The following SYT14 variants were observed in gnomAD, a reference collection of about 807,000 sequenced individuals.
SYT14 encodes synaptotagmin 14.
A neutral mutation model predicts 74.2 loss-of-function variants in SYT14; 32 were observed. That is an observed-to-expected ratio of 0.43 (90% CI 0.33 to 0.58). SYT14 has a LOEUF of 0.58. SYT14 is among the 20% of genes least tolerant of loss of function. The pLI is 0.05. For missense variants in SYT14, 791 were observed against 981.8 expected (o/e 0.81, Z 2.60); for synonymous variants, 298 against 337.7 (o/e 0.88, Z 1.29).
chr1:209,967,595 G>A (rs1044608945), intron 2 of SYT14, among the ~76,000 whole-genome samples: 3 of 151,948 alleles, frequency 2.0e-5, no homozygotes, highest in Admixed American at 6.6e-5. Flanking sequence ...GGATTTATTT[G>A]TCTGAAGTTG....
At chr1:210,013,279 C>T (rs2080120467) in intron 2 of SYT14, among the ~76,000 whole-genome samples, 1 of 152,002 alleles carries the variant, frequency 6.6e-6, no homozygotes, top group Non-Finnish European at 1.5e-5. Context: ...CCATATTGGC[C>T]AGGCTCGTCT....
chr1:210,152,842 G>A (rs1033692509), intron 7 of SYT14, among the ~76,000 whole-genome samples: 1 of 145,108 alleles, frequency 6.9e-6, no homozygotes, highest in African/African-American at 2.6e-5. Flanking sequence ...AGTTCTGCTT[G>A]GTTTGAGGTT....
rs570567770 is a variant in SYT14 at position 210,024,404 on chromosome 1, G to A, written c.1312+3150G>A. Among the ~76,000 whole-genome samples the A allele has an allele frequency of 7.9e-4, 120 of 152,254 alleles. 1 individual carries two copies. Among genetic ancestry groups the A allele is most frequent in the South Asian group, 7.3e-3 (35 of 4,822 alleles). On this transcript the variant is annotated intron_variant, in intron 5 of 9. Coordinates refer to ENST00000637265, the Ensembl canonical transcript of SYT14. ...ATTGAGGTAGAACTTACTGGATTTA[G>A]GAACTGAATGTGTTTGGAACATTTG...
intron 5 of SYT14, among the ~76,000 whole-genome samples, chr1:210,030,297 A>G (rs1476426781): frequency 6.6e-6 from 1 of 151,888 alleles, no homozygotes; most frequent in Non-Finnish European, 1.5e-5. Context: ...TCCTGCCACC[A>G]TGCCCATGCC....
intron 5 of SYT14, among the ~76,000 whole-genome samples, chr1:210,054,994 A>G (rs1283385074): frequency 6.6e-6 from 1 of 152,164 alleles, no homozygotes; most frequent in African/African-American, 2.4e-5. Flanking sequence ...TTACTGGGCA[A>G]GCTTTCATCT....
At chr1:209,976,414 C>T (rs1488012865) in intron 2 of SYT14, among the ~76,000 whole-genome samples, 2 of 151,688 alleles carry the variant, frequency 1.3e-5, no homozygotes, top group African/African-American at 4.9e-5. Context: ...TCTTTGTTCT[C>T]GTTGGTTTCA....
chr1:209,941,835 C>A (rs7544033), intron 1 of SYT14, among the ~76,000 whole-genome samples: 8 of 152,124 alleles, frequency 5.3e-5, no homozygotes, highest in Middle Eastern at 3.4e-3. Flanking sequence ...CCCCTGGAGA[C>A]ACTAAAATTT....
rs140824228 is a variant in SYT14, at chr1:210,048,419, G to C, written c.1312+27165G>C. Among the ~76,000 whole-genome samples the C allele has an allele frequency of 5.3e-3, 811 of 152,256 alleles. 9 individuals are homozygous for C. Among genetic ancestry groups the C allele is most frequent in the African/African-American group, 0.019 (782 of 41,542 alleles). ...GGAGGCCTCATAATCATGGCAGAAGGTGAAAGGCACATCTTACATGGTGGC... is the reference window on the plus strand; with the variant it reads ...GGAGGCCTCATAATCATGGCAGAAGCTGAAAGGCACATCTTACATGGTGGC... On this transcript the variant is annotated intron_variant, in intron 5 of 9. Transcript: ENST00000637265.
chr1:210,050,747 A>G (rs901477456), intron 5 of SYT14, among the ~76,000 whole-genome samples: 8 of 152,162 alleles, frequency 5.3e-5, no homozygotes, highest in African/African-American at 1.9e-4. Flanking sequence ...CTCCCCTTCT[A>G]AAACCACCAG....
At position 210,094,548 on chromosome 1, in the gene SYT14, TGAA is replaced by T. The variant is rs2307890; in HGVS notation, c.1545_1547del (p.Glu515del). 208,990 of 1,613,578 alleles carry T rather than the reference TGAA, an allele frequency of 0.13. 14,767 individuals are homozygous for T. Among genetic ancestry groups the T allele is most frequent in the Non-Finnish European group, 0.14 (163,899 of 1,179,720 alleles). On this transcript the variant is annotated inframe_deletion, in exon 6 of 10. Transcript: ENST00000637265. The stretch of plus-strand genomic sequence containing the variant: ...TAGAAAGTTTTCATAATAAAGGATA[TGAA>T]GAAGATGTTCCAAGTGACAGCACTG...
chr1:210,160,323 T>G (rs1463578896), intron 9 of SYT14, among the ~76,000 whole-genome samples: 1 of 151,970 alleles, frequency 6.6e-6, no homozygotes, highest in Non-Finnish European at 1.5e-5. Context: ...TGCTTTACAG[T>G]GTTGTGGCTA....
At chr1:209,940,268 C>A (rs2078707242) in intron 1 of SYT14, among the ~76,000 whole-genome samples, 2 of 152,088 alleles carry the variant, frequency 1.3e-5, no homozygotes, top group African/African-American at 4.8e-5. Context: ...GTACTAAGGA[C>A]ATCTTAAAAA....
At position 209,952,985 on chromosome 1, in the gene SYT14, T is replaced by C. The variant is rs991844856; in HGVS notation, c.-486+229T>C. ...TTTGATGGGCTAATAAAGCCTGGTT[T>C]CTAGCATATTGGTTGTTAGACATGG... On this transcript the variant is annotated intron_variant, in intron 2 of 9. Coordinates refer to ENST00000637265, the Ensembl canonical transcript of SYT14. 10 of 1,391,730 alleles carry C rather than the reference T, an allele frequency of 7.2e-6. No homozygotes were observed. The Admixed American group carries it at 8.2e-5, about 11-fold the overall frequency. The allele number at this position is 1,391,730 out of a possible 1,614,324, so 86.2% of individuals were successfully genotyped here.
chr1:210,021,277 T>G (rs780679749), intron 5 of SYT14, 23 bp downstream of exon 4: 1 of 1,594,686 alleles, frequency 6.3e-7, no homozygotes, highest in South Asian at 1.1e-5. Context: ...GTTTTATTTT[T>G]TTTACATGAC....
intron 7 of SYT14, among the ~76,000 whole-genome samples, chr1:210,114,859 C>T (rs753692216): frequency 4.6e-5 from 7 of 150,624 alleles, no homozygotes; most frequent in African/African-American, 7.5e-5. Context: ...GGACCTGGCT[C>T]GGCCTAGCAA....
intron 2 of SYT14, among the ~76,000 whole-genome samples, chr1:210,008,808 T>C (rs1488026713): frequency 2.6e-5 from 4 of 152,204 alleles, no homozygotes; most frequent in African/African-American, 4.8e-5. Flanking sequence ...AATGACTTTC[T>C]AAGCAGATTC....
chr1:210,059,587 C>G (rs1167062519), intron 5 of SYT14, among the ~76,000 whole-genome samples: 1 of 151,526 alleles, frequency 6.6e-6, no homozygotes, highest in East Asian at 1.9e-4. Context: ...GCTGTTCTTT[C>G]AGTTCATGCA....
intron 7 of SYT14, among the ~76,000 whole-genome samples, chr1:210,141,750 G>A (rs1422679265): frequency 6.6e-6 from 1 of 152,218 alleles, no homozygotes; most frequent in East Asian, 1.9e-4. Context: ...TGCTCCAAGA[G>A]TCAGTTTACA....
chr1:210,138,566 A>G (rs2082839715), intron 7 of SYT14, among the ~76,000 whole-genome samples: 1 of 152,180 alleles, frequency 6.6e-6, no homozygotes, highest in Admixed American at 6.5e-5. Flanking sequence ...GTTGGTGTTG[A>G]TATATTGTTT....
Sources: gnomAD v4.1 joint callset for allele counts (sites outside exome capture counted in the v4.1 genomes callset) on GRCh38, gnomAD v4.1.1 for gene constraint, MANE v1.5 for transcripts, NCBI Gene and HGNC (gene_info 2026-07-23, HGNC 2026-07-21) for gene names.